Variants in GFPT1 observed in about 807,000 individuals in gnomAD.
GFPT1 encodes glutamine--fructose-6-phosphate aminotransferase [isomerizing] 1.
GFPT1 carries 40 observed loss-of-function variants against 92.0 expected under a neutral mutation model. The observed-to-expected ratio is 0.43, with a 90% CI of 0.34 to 0.57. The LOEUF (loss-of-function observed/expected upper bound fraction) is 0.57, where lower values mean the gene tolerates loss of function less well. Ranked by LOEUF, GFPT1 falls within the 20% of genes least tolerant of loss-of-function variation. The probability of loss-of-function intolerance (pLI) is 0.02; values close to 1 mark genes in which losing one functional copy is unlikely to be tolerated. For synonymous variants in GFPT1, 269 were observed against 280.6 expected, an observed-to-expected ratio of 0.96 and a Z score of 0.41; for missense variants, 448 against 869.1, an observed-to-expected ratio of 0.52 and a Z score of 6.09.
intron 15 of GFPT1, among the ~76,000 whole-genome samples, chr2:69,332,313 CTT>C (rs1257559725): frequency 1.3e-4 from 18 of 134,362 alleles, no homozygotes; most frequent in Non-Finnish European, 2.1e-4. Flanking sequence ...CTTTTCTTTT[CTT>C]TTTTTTTTTT....
chr2:69,357,640 C>T (rs112923855), intron 6 of GFPT1, among the ~76,000 whole-genome samples: 7 of 152,022 alleles, frequency 4.6e-5, no homozygotes, highest in African/African-American at 1.7e-4. Context: ...AGGGCTGGAC[C>T]GTATTTGGGA....
chr2:69,354,436 A>C (rs1004458825), intron 8 of GFPT1, 53 bp downstream of exon 8: 27 of 1,312,654 alleles, frequency 2.1e-5, no homozygotes, highest in Middle Eastern at 1.8e-4. Flanking sequence ...ATTCCAACTT[A>C]AGGAAAATAA....
At chr2:69,342,019 CTTTT>C (rs1007952207) in intron 13 of GFPT1, 129 bp downstream of exon 13, 7 of 604,172 alleles carry the variant, frequency 1.2e-5, no homozygotes, top group African/African-American at 1.1e-4. Context: ...CCCTTACCTT[CTTTT>C]TTTATCACAA....
chr2:69,358,968 C>A (rs1348958673), intron 5 of GFPT1, among the ~76,000 whole-genome samples: 1 of 152,194 alleles, frequency 6.6e-6, no homozygotes, highest in Admixed American at 6.5e-5. Context: ...ATCCTAGGAA[C>A]TTTAAAGCAT....
At position 69,320,468 on chromosome 2, in the gene GFPT1, CA is replaced by C. The variant is rs1186742892; in HGVS notation, c.*5720del. 1 of 152,152 alleles carries C rather than the reference CA, an allele frequency of 6.6e-6. No homozygotes were observed. 9.4% of individuals were successfully genotyped at this position (152,152 alleles called of 1,614,324 possible). A position where few individuals can be genotyped will look rare whatever the true frequency, so the allele number is the denominator to read the frequency against. ...AGGCAAAAATTAATTCCTAAAGATC[CA>C]AAGGGTATACAATACCTGTCAAATT... On this transcript the variant is annotated 3_prime_UTR_variant, in exon 20 of 20. Transcript: ENST00000357308.
chr2:69,372,344 T>C (rs1574083238), intron 2 of GFPT1, among the ~76,000 whole-genome samples: 1 of 150,688 alleles, frequency 6.6e-6, no homozygotes, highest in African/African-American at 2.5e-5. Context: ...CCAGGGCGGG[T>C]GGATCTCCTG....
intron 2 of GFPT1, among the ~76,000 whole-genome samples, chr2:69,372,332 G>A (rs1671771428): frequency 6.6e-6 from 1 of 152,108 alleles, no homozygotes; most frequent in African/African-American, 2.4e-5. Context: ...CACTTTGGGA[G>A]GCCAGGGCGG....
chr2:69,364,009 G>A (rs550699861), intron 3 of GFPT1, among the ~76,000 whole-genome samples: 4 of 151,966 alleles, frequency 2.6e-5, no homozygotes, highest in South Asian at 2.1e-4. Flanking sequence ...TGGCTACTCC[G>A]GAGGCAGAGG....
At chr2:69,386,842 G>A (rs547110515) in intron 1 of GFPT1, among the ~76,000 whole-genome samples, 5 of 152,236 alleles carry the variant, frequency 3.3e-5, no homozygotes, top group African/African-American at 1.2e-4. Context: ...CGGCAAAGGG[G>A]GCCCGCCTTC....
intron 1 of GFPT1, among the ~76,000 whole-genome samples, 165 bp from the exon 2 acceptor site, chr2:69,374,278 T>C (rs1007257633): frequency 1.3e-5 from 2 of 151,592 alleles, no homozygotes; most frequent in African/African-American, 4.9e-5. Context: ...CTCATAAGTA[T>C]AAAAAACTAA....
At chr2:69,351,710 T>C (rs1363861858) in intron 9 of GFPT1, among the ~76,000 whole-genome samples, 1 of 152,194 alleles carries the variant, frequency 6.6e-6, no homozygotes, top group Non-Finnish European at 1.5e-5. Flanking sequence ...ACTTTTCCCA[T>C]TCATATTTAA....
chr2:69,370,366 G>A (rs540340084), intron 2 of GFPT1, among the ~76,000 whole-genome samples: 7 of 152,234 alleles, frequency 4.6e-5, no homozygotes, highest in East Asian at 1.9e-4. Context: ...ATAATTCAGC[G>A]TGATTATGAA....
At chr2:69,358,573 A>C (rs1574070391) in intron 5 of GFPT1, 110 bp from the exon 6 acceptor site, 2 of 763,528 alleles carry the variant, frequency 2.6e-6, no homozygotes, top group East Asian at 5.4e-5. Flanking sequence ...TATTCTTTGA[A>C]CACCATATCC....
intron 2 of GFPT1, chr2:69,371,371 G>T (rs192130028): frequency 6.9e-4 from 105 of 151,382 alleles, no homozygotes; most frequent in African/African-American, 2.3e-3. Context: ...GAGTCACCAC[G>T]CCCGGCCTCA....
At chr2:69,376,444 A>T (rs1188744273) in intron 1 of GFPT1, among the ~76,000 whole-genome samples, 1 of 151,976 alleles carries the variant, frequency 6.6e-6, no homozygotes, top group African/African-American at 2.4e-5. Flanking sequence ...CCTTGAACCC[A>T]GGAGGCGGAG....
rs764483590 is a variant in GFPT1 at position 69,356,516 on chromosome 2, G to A, written c.585C>T (p.Pro195=). The part of the protein sequence containing the change: ...FALVFKSVHF[P]GQAVGTRRGS... Reference sequence around the variant, plus strand: ...TGTACCTTGTGCCAACTGCTTGCCCGGGAAAATGAACACTTTTAAACACAA... The same window carrying A: ...TGTACCTTGTGCCAACTGCTTGCCCAGGAAAATGAACACTTTTAAACACAA... The change falls in exon 7 of 20, where the codon CCC becomes CCT. Residue 195 remains proline (P), a synonymous_variant. Coordinates refer to ENST00000357308, the MANE Select transcript of GFPT1 (RefSeq NM_001244710.2). The A allele has an allele frequency of 1.9e-5, 30 of 1,612,722 alleles. No individual in the cohort carries two copies. The highest frequency in any genetic ancestry group is 1.6e-4 in the Middle Eastern group (1 of 6,080).
intron 16 of GFPT1, 82 bp from the exon 17 acceptor site, chr2:69,329,506 A>C (rs1423634017): frequency 8.8e-7 from 1 of 1,137,356 alleles, no homozygotes; most frequent in Non-Finnish European, 1.3e-6. Flanking sequence ...ACAAAAGACC[A>C]GTGTTTCTAT....
intron 2 of GFPT1, among the ~76,000 whole-genome samples, chr2:69,370,905 CAGG>C (rs1213984656): frequency 6.6e-6 from 1 of 150,942 alleles, no homozygotes; most frequent in Non-Finnish European, 1.5e-5. Flanking sequence ...GAGGCTGAGG[CAGG>C]AGAATGGCTT....
At chr2:69,336,826 A>C (rs1670811921) in intron 15 of GFPT1, among the ~76,000 whole-genome samples, 1 of 151,804 alleles carries the variant, frequency 6.6e-6, no homozygotes, top group South Asian at 2.1e-4. Flanking sequence ...CTAAAACCCC[A>C]AAAAAACACT....
Sources: allele counts gnomAD v4.1 joint callset (sites outside exome capture counted in the v4.1 genomes callset), GRCh38; gene constraint gnomAD v4.1.1; transcripts MANE v1.5; gene names NCBI Gene and HGNC (gene_info 2026-07-23, HGNC 2026-07-21).